The following DGKB variants were observed in gnomAD, a reference collection of about 807,000 sequenced individuals.
The protein encoded by DGKB is diacylglycerol kinase beta.
Under a neutral mutation model 114.3 loss-of-function variants are expected in DGKB, and 67 were observed. The ratio of observed to expected loss-of-function variants is 0.59; its 90% confidence interval spans 0.48 to 0.72. The LOEUF is 0.72. Among genes scored for constraint, DGKB ranks in the 30% least tolerant of loss-of-function variants. The probability of loss-of-function intolerance (pLI) is 0.00; values close to 1 mark genes in which losing one functional copy is unlikely to be tolerated. For missense variants in DGKB, 907 were observed against 975.2 expected (o/e 0.93, Z 0.93); for synonymous variants, 398 against 323.1 (o/e 1.23, Z -2.49).
intron 13 of DGKB, 115 bp downstream of exon 13, chr7:14,672,814 C>A (rs532519272): frequency 3.7e-6 from 2 of 540,044 alleles, no homozygotes; most frequent in East Asian, 5.9e-5. Flanking sequence ...TATTTTAGAT[C>A]TATATACTTC....
chr7:14,678,000 A>C (rs1820166507), intron 12 of DGKB, among the ~76,000 whole-genome samples: 1 of 152,100 alleles, frequency 6.6e-6, no homozygotes, highest in African/African-American at 2.4e-5. Flanking sequence ...ATGGGTGTGA[A>C]AATTGATTCT....
rs1006933919 is a variant in DGKB, at chr7:14,241,470, G to A, written c.2123-63319C>T. ...AGTTATACAGCTTAATATAAAAAAC[G>A]ACATATAAGTAATAACCTATAGCAT... On this transcript the variant is annotated intron_variant, in intron 23 of 25. Transcript: ENST00000402815. Among the ~76,000 whole-genome samples, 4 of 151,902 alleles carry A rather than the reference G, an allele frequency of 2.6e-5. No homozygotes were observed. In the East Asian group the frequency reaches 5.8e-4, roughly 22 times the overall value.
At chr7:14,528,141 T>A (rs1584591452) in intron 20 of DGKB, among the ~76,000 whole-genome samples, 1 of 152,152 alleles carries the variant, frequency 6.6e-6, no homozygotes, top group African/African-American at 2.4e-5. Context: ...TTTTTATACA[T>A]ATTTTGTATT....
chr7:14,583,377 C>A (rs1212899705), intron 17 of DGKB, among the ~76,000 whole-genome samples: 1 of 151,660 alleles, frequency 6.6e-6, no homozygotes, highest in Non-Finnish European at 1.5e-5. Flanking sequence ...TACTCTTTTT[C>A]TTTAATAAAC....
intron 13 of DGKB, among the ~76,000 whole-genome samples, chr7:14,634,473 CAA>C (rs1554560782): frequency 1.7e-5 from 2 of 121,190 alleles, no homozygotes; most frequent in Non-Finnish European, 3.4e-5. Flanking sequence ...ACTATATCTA[CAA>C]AGTGATACAC....
rs540283095 is a variant in DGKB, at chr7:14,243,986, T to C, written c.2123-65835A>G. Among the ~76,000 whole-genome samples the C allele has an allele frequency of 2.0e-3, 302 of 152,200 alleles. 6 individuals carry two copies. The South Asian group carries it at 0.033, about 16-fold the overall frequency. ...TCTAAATCTAAATTTCTCTTATTGA[T>C]ATTTTCCTTCTATGAAATACAGTGT... On this transcript the variant is annotated intron_variant, in intron 23 of 25. Coordinates refer to ENST00000402815, the MANE Select transcript of DGKB (RefSeq NM_001350709.2).
chr7:14,504,685 A>G (rs1309768153), intron 20 of DGKB, among the ~76,000 whole-genome samples: 4 of 152,188 alleles, frequency 2.6e-5, no homozygotes, highest in Non-Finnish European at 5.9e-5. Context: ...AACACAAAGA[A>G]CAATCAGAAA....
intron 23 of DGKB, among the ~76,000 whole-genome samples, chr7:14,321,146 C>G (rs1020941156): frequency 1.1e-4 from 16 of 151,986 alleles, no homozygotes; most frequent in Admixed American, 7.9e-4. Context: ...CAAAACTTAG[C>G]CAGACATGAT....
chr7:14,306,332 G>C (rs1411406173), intron 23 of DGKB, among the ~76,000 whole-genome samples: 1 of 152,048 alleles, frequency 6.6e-6, no homozygotes, highest in African/African-American at 2.4e-5. Context: ...AAAAACATTA[G>C]GGGAAAAGCA....
chr7:14,847,843 G>T (rs1005556401), intron 1 of DGKB, among the ~76,000 whole-genome samples: 14 of 152,114 alleles, frequency 9.2e-5, no homozygotes, highest in African/African-American at 3.4e-4. Flanking sequence ...AAAACATCCT[G>T]AGCAGAAACT....
intron 23 of DGKB, among the ~76,000 whole-genome samples, chr7:14,334,050 T>C (rs1027110454): frequency 2.6e-5 from 4 of 152,182 alleles, no homozygotes; most frequent in Non-Finnish European, 2.9e-5. Context: ...AATTAACTGA[T>C]ACAATTTCTT....
intron 21 of DGKB, among the ~76,000 whole-genome samples, chr7:14,358,844 G>A (rs760847841): frequency 2.1e-4 from 32 of 152,002 alleles, no homozygotes; most frequent in Non-Finnish European, 3.5e-4. Context: ...TCATGGATAA[G>A]AAGAATCGTG....
At chr7:14,414,452 C>G (rs1825388716) in intron 21 of DGKB, among the ~76,000 whole-genome samples, 1 of 152,066 alleles carries the variant, frequency 6.6e-6, no homozygotes, top group South Asian at 2.1e-4. Context: ...ACAGCCCTTC[C>G]CTAGAAGCCA....
intron 13 of DGKB, among the ~76,000 whole-genome samples, chr7:14,656,678 G>GA: frequency 6.7e-6 from 1 of 150,070 alleles, no homozygotes; most frequent in South Asian, 2.1e-4. Context: ...TTTGATTTTT[G>GA]AAAAAAATTA....
chr7:14,618,321 A>G (rs1247494224), intron 15 of DGKB, among the ~76,000 whole-genome samples: 1 of 151,654 alleles, frequency 6.6e-6, no homozygotes, highest in Non-Finnish European at 1.5e-5. Context: ...GAGGAAAGAC[A>G]CTGGTTCAGT....
At chr7:14,919,077 CACACACACACACACACAA>C (rs1424702347) in intron 1 of DGKB, among the ~76,000 whole-genome samples, 26 of 127,908 alleles carry the variant, frequency 2.0e-4, no homozygotes, top group African/African-American at 6.9e-4. Flanking sequence ...CACACACACA[CACACACACACACACACAA>C]ACACACACAC....
chr7:14,443,249 C>G (rs1830312132), intron 21 of DGKB, among the ~76,000 whole-genome samples: 1 of 152,014 alleles, frequency 6.6e-6, no homozygotes, highest in South Asian at 2.1e-4. Context: ...CCATCAGATC[C>G]CATCACTTCT....
At chr7:14,704,434 C>A (rs868554866) in intron 6 of DGKB, among the ~76,000 whole-genome samples, 3 of 129,088 alleles carry the variant, frequency 2.3e-5, no homozygotes, top group Non-Finnish European at 3.1e-5. Flanking sequence ...GGCGACAGAG[C>A]GAGACTCCAT....
chr7:14,190,181 G>T (rs1784096345), intron 23 of DGKB, among the ~76,000 whole-genome samples: 1 of 152,080 alleles, frequency 6.6e-6, no homozygotes, highest in Non-Finnish European at 1.5e-5. Flanking sequence ...TGTAAGAAGA[G>T]ATGATCAGCT....
Sources: allele counts gnomAD v4.1 joint callset (sites outside exome capture counted in the v4.1 genomes callset), GRCh38; gene constraint gnomAD v4.1.1; transcripts MANE v1.5; gene names NCBI Gene and HGNC (gene_info 2026-07-23, HGNC 2026-07-21).